PAX2: variants seen among roughly 807,000 people sequenced by gnomAD.
PAX2 encodes paired box 2.
Under a neutral mutation model 41.7 loss-of-function variants are expected in PAX2, and 9 were observed. That is an observed-to-expected ratio of 0.22 (90% CI 0.13 to 0.38). The LOEUF (loss-of-function observed/expected upper bound fraction) is 0.38. Among genes scored for constraint, PAX2 ranks in the 10% least tolerant of loss-of-function variants. The pLI is 1.00. For missense variants in PAX2, 418 were observed against 531.6 expected (o/e 0.79, Z 2.10); for synonymous variants, 221 against 212.7 (o/e 1.04, Z -0.34).
intron 8 of PAX2, chr10:100,825,067 C>A: frequency 9.6e-7 from 1 of 1,039,278 alleles, no homozygotes; most frequent in Non-Finnish European, 1.5e-6. Context: ...CCTCAGTGCC[C>A]AGCCCACCCC....
chr10:100,759,373 G>A (rs898514499), intron 3 of PAX2, among the ~76,000 whole-genome samples: 66 of 152,328 alleles, frequency 4.3e-4, no homozygotes, highest in African/African-American at 1.5e-3. Flanking sequence ...CCTCATGAGT[G>A]TGCCGCAATG....
intron 1 of PAX2, 117 bp from the exon 2 acceptor site, chr10:100,749,629 G>C (rs947935164): frequency 4.3e-5 from 64 of 1,485,136 alleles, no homozygotes; most frequent in Non-Finnish European, 5.1e-5. Context: ...TCTCAAGCTC[G>C]GGAACATGCC....
At position 100,779,591 on chromosome 10, in the gene PAX2, G is replaced by C. The variant is rs747148327; in HGVS notation, c.496+8G>C. On this transcript the variant is annotated splice_region_variant and intron_variant, in intron 4 of 9. Coordinates refer to ENST00000355243, the MANE Select transcript of PAX2 (RefSeq NM_000278.5). ...CCCCTGGCCACACCATTGGTAAGAG[G>C]GCTCAGGGAAGGGGAGGAAACCAGA... 3.2e-6 allele frequency: 5 copies of C among 1,569,802 alleles called. No individual in the cohort carries two copies. Among genetic ancestry groups the C allele is most frequent in the Admixed American group, 1.9e-5 (1 of 53,626 alleles).
chr10:100,797,886 T>C (rs1847393140), intron 5 of PAX2, among the ~76,000 whole-genome samples: 1 of 152,132 alleles, frequency 6.6e-6, no homozygotes, highest in African/African-American at 2.4e-5. Flanking sequence ...TTAGTGTCCC[T>C]AGAGGCCGGT....
rs1354452495 is a variant in PAX2, at chr10:100,791,130, C to T, written c.616+9765C>T. Among the ~76,000 whole-genome samples, 1 of 152,210 alleles carries T rather than the reference C, an allele frequency of 6.6e-6. No homozygotes were observed. Among genetic ancestry groups the T allele is most frequent in the Non-Finnish European group, 1.5e-5 (1 of 68,030 alleles). On this transcript the variant is annotated intron_variant, in intron 5 of 9. Coordinates refer to ENST00000355243, the MANE Select transcript of PAX2 (RefSeq NM_000278.5). The surrounding 1 kb of genome is among the most constrained non-coding windows in gnomAD (Gnocchi z 4.5). ...AGGTGGCTCCTAATTTGGCTGCCCC[C>T]ATGAAATGTCAGCATCCCCTCCCTC...
chr10:100,742,221 C>T (rs776611135), upstream of PAX2, among the ~76,000 whole-genome samples: 4 of 152,204 alleles, frequency 2.6e-5, no homozygotes, highest in Admixed American at 6.5e-5. Context: ...CGGGTGGCAG[C>T]GGGGCAGCGG....
intron 3 of PAX2, among the ~76,000 whole-genome samples, chr10:100,778,818 G>A (rs997512306): frequency 2.0e-5 from 3 of 152,272 alleles, no homozygotes; most frequent in African/African-American, 7.2e-5. Context: ...AGAAAAGGAG[G>A]CCAGCAAACC....
intron 3 of PAX2, among the ~76,000 whole-genome samples, chr10:100,754,987 A>G (rs4623826): frequency 0.11 from 17,336 of 152,198 alleles, 3,052 homozygotes; most frequent in African/African-American, 0.38. Context: ...CAGGGAACTC[A>G]CCTTCTGTGG....
chr10:100,780,432 G>A (rs1846572803), intron 4 of PAX2, among the ~76,000 whole-genome samples: 1 of 152,140 alleles, frequency 6.6e-6, no homozygotes, highest in Non-Finnish European at 1.5e-5. Context: ...CCTCTTGGCA[G>A]TTGTCTCCTT....
Position 100,745,927 on chromosome 10 carries a change from G to C in PAX2, c.-334G>C. ...CTGAGCGAGTCGCCTCCCCCGCCCA[G>C]CTTCAGCCCTGGCTGCAGCTGCAGC... On this transcript the variant is annotated 5_prime_UTR_variant, in exon 1 of 10. Transcript: ENST00000355243. 1 of 1,225,476 alleles carries C rather than the reference G, an allele frequency of 8.2e-7. No individual in the cohort carries two copies. The highest frequency in any genetic ancestry group is 1.0e-6 in the Non-Finnish European group (1 of 981,478). The allele number at this position is 1,225,476 out of a possible 1,614,324, so 75.9% of individuals were successfully genotyped here.
chr10:100,759,763 A>T (rs1281712597), intron 3 of PAX2, among the ~76,000 whole-genome samples: 1 of 152,172 alleles, frequency 6.6e-6, no homozygotes, highest in Non-Finnish European at 1.5e-5. Flanking sequence ...ATTGGAGAGG[A>T]CTGGGAGAGA....
upstream of PAX2, among the ~76,000 whole-genome samples, chr10:100,741,042 G>T (rs532495910): frequency 2.6e-5 from 4 of 152,348 alleles, no homozygotes; most frequent in South Asian, 8.3e-4. Flanking sequence ...TTGCATTGTT[G>T]TTGCTCCTCA....
upstream of PAX2, among the ~76,000 whole-genome samples, chr10:100,741,466 G>A (rs1296997765): frequency 6.6e-6 from 1 of 150,918 alleles, no homozygotes; most frequent in Non-Finnish European, 1.5e-5. Context: ...CAGGCAGGGG[G>A]AAGGGCGGGG....
At chr10:100,819,894 A>G (rs1309898476) in intron 7 of PAX2, among the ~76,000 whole-genome samples, 1 of 152,236 alleles carries the variant, frequency 6.6e-6, no homozygotes, top group Non-Finnish European at 1.5e-5. Flanking sequence ...CCATTTGGTA[A>G]GGAATGTCTG....
intron 3 of PAX2, among the ~76,000 whole-genome samples, chr10:100,759,047 G>A (rs1845743912): frequency 6.6e-6 from 1 of 152,192 alleles, no homozygotes; most frequent in East Asian, 1.9e-4. Flanking sequence ...GCCTTGGGCT[G>A]GACAGGGTTG....
At chr10:100,793,003 T>C (rs1047878142) in intron 5 of PAX2, among the ~76,000 whole-genome samples, 1 of 152,194 alleles carries the variant, frequency 6.6e-6, no homozygotes, top group African/African-American at 2.4e-5. Context: ...ATGCAAGCAG[T>C]TTCTCTAAAC....
At chr10:100,749,187 A>G (rs1845334142) in intron 1 of PAX2, 4 of 986,796 alleles carry the variant, frequency 4.1e-6, no homozygotes, top group African/African-American at 1.7e-5. Context: ...AATACTTTTT[A>G]AAGAAGAGGC....
At position 100,809,512 on chromosome 10, in the gene PAX2, A is replaced by G. The variant is rs1265736817; in HGVS notation, c.919+276A>G. ...CTGTCCTTCGCCTCTCCCTTTGTCT[A>G]TTTCTCTTCCCTCTCCCAAGTTGCC... is the stretch of plus-strand genomic sequence containing the variant. On this transcript the variant is annotated intron_variant, in intron 7 of 9. Transcript: ENST00000355243. Among the ~76,000 whole-genome samples the G allele has an allele frequency of 3.3e-5, 5 of 152,100 alleles. No individual in the cohort carries two copies. The East Asian group carries it at 7.7e-4, about 24-fold the overall frequency.
At chr10:100,736,990 G>A (rs912815430) in intron 1 of PAX2, among the ~76,000 whole-genome samples, 2 of 152,162 alleles carry the variant, frequency 1.3e-5, no homozygotes, top group African/African-American at 4.8e-5. Flanking sequence ...GGGACTTCCT[G>A]AGAACCTCTC....
Sources: allele counts gnomAD v4.1 joint callset (sites outside exome capture counted in the v4.1 genomes callset), GRCh38; gene constraint gnomAD v4.1.1; non-coding constraint Gnocchi (gnomAD v3.1); transcripts MANE v1.5; gene names NCBI Gene and HGNC (gene_info 2026-07-23, HGNC 2026-07-21).